The following SLAIN2 variants were observed in gnomAD, a reference collection of about 807,000 sequenced individuals.
SLAIN2 encodes the protein SLAIN family member 2.
Under a neutral mutation model 56.6 loss-of-function variants are expected in SLAIN2, and 31 were observed. The observed-to-expected ratio is 0.55, with a 90% CI of 0.41 to 0.74. SLAIN2 has a LOEUF of 0.74. SLAIN2 is among the 30% of genes least tolerant of loss of function. SLAIN2 has a pLI of 0.00. For synonymous variants in SLAIN2, 317 were observed against 284.9 expected (o/e 1.11, Z -1.13); for missense variants, 777 against 754.2 (o/e 1.03, Z -0.35).
At position 48,354,734 on chromosome 4, in the gene SLAIN2, G is replaced by A. The variant is rs541001710; in HGVS notation, c.389+12606G>A. Among the ~76,000 whole-genome samples the A allele has an allele frequency of 1.7e-3, 259 of 152,246 alleles. 1 individual carries two copies. Among genetic ancestry groups the A allele is most frequent in the African/African-American group, 6.0e-3 (248 of 41,540 alleles). On this transcript the variant is annotated intron_variant, in intron 1 of 7. Transcript: ENST00000264313. ...CTACCTCGGCCTCCCAGAGTGCTGG[G>A]ATTACAGGCATGAACCAGTGTGCCC...
intron 6 of SLAIN2, among the ~76,000 whole-genome samples, chr4:48,400,823 C>G (rs575537098): frequency 4.0e-5 from 6 of 150,992 alleles, no homozygotes; most frequent in African/African-American, 1.5e-4. Context: ...TCCTTCAGTT[C>G]TTCTGCTAGC....
intron 6 of SLAIN2, among the ~76,000 whole-genome samples, chr4:48,411,683 T>G (rs1371707968): frequency 6.6e-6 from 1 of 152,162 alleles, no homozygotes; most frequent in Non-Finnish European, 1.5e-5. Context: ...TAGCCACTCA[T>G]GTTCTTCTTA....
At chr4:48,395,549 A>C (rs1716355623) in intron 6 of SLAIN2, among the ~76,000 whole-genome samples, 1 of 152,122 alleles carries the variant, frequency 6.6e-6, no homozygotes, top group Non-Finnish European at 1.5e-5. Context: ...GATTTCTTGG[A>C]TTGAGTATAA....
At chr4:48,420,085 A>T (rs527257185) in intron 6 of SLAIN2, 40 bp from the exon 7 acceptor site, 1 of 1,595,416 alleles carries the variant, frequency 6.3e-7, no homozygotes. Flanking sequence ...ATATATACAG[A>T]TTTCCACTCA....
chr4:48,414,117 AAATAGAGTTCT>A (rs1474948200), intron 6 of SLAIN2, among the ~76,000 whole-genome samples: 1 of 152,178 alleles, frequency 6.6e-6, no homozygotes, highest in African/African-American at 2.4e-5. Context: ...TCATTTTTAT[AAATAGAGTTCT>A]AATTTTTGCT....
At position 48,369,957 on chromosome 4, in the gene SLAIN2, T is replaced by TA; in HGVS notation, c.504dup (p.Ser169IlefsTer7). On this transcript the variant is annotated frameshift_variant, in exon 2 of 8. Transcript: ENST00000264313. LOFTEE classifies it high-confidence loss of function. ...ACCCAAGTCCTGATGTTGAGTGTGC[T>TA]AAAAAATCTCTTATCCACAAACTTG... The TA allele has an allele frequency of 1.2e-6, 2 of 1,613,706 alleles. No individual in the cohort carries two copies. The highest frequency in any genetic ancestry group is 1.7e-6 in the Non-Finnish European group (2 of 1,179,690).
chr4:48,397,667 C>T (rs1258117797), intron 6 of SLAIN2, among the ~76,000 whole-genome samples: 6 of 152,090 alleles, frequency 3.9e-5, no homozygotes, highest in African/African-American at 9.7e-5. Context: ...CTTCCCCCGC[C>T]GCCCCTGACA....
In SLAIN2 at chr4:48,382,704, T is replaced by A. The variant is rs762852686; in HGVS notation, c.999T>A (p.His333Gln). ...ATGATGAAGATGACAATATGCATCA[T>A]GCAGTATACCCTGCTGTTAACAGGT... ...SLDDEDDNMHHAVYPAVNRFS... is the reference protein window; with the variant it reads ...SLDDEDDNMHQAVYPAVNRFS... Residue 333 changes from histidine (H) to glutamine (Q), a missense_variant, in exon 5 of 8, where the codon CAT becomes CAA. By Grantham distance (24) the His-to-Gln change is conservative. Transcript: ENST00000264313. The A allele has an allele frequency of 8.1e-6, 13 of 1,613,868 alleles. No individual in the cohort carries two copies. In the East Asian group the frequency reaches 2.9e-4, roughly 36 times the overall value.
chr4:48,397,319 T>C (rs1405596598), intron 6 of SLAIN2, among the ~76,000 whole-genome samples: 2 of 151,744 alleles, frequency 1.3e-5, no homozygotes, highest in South Asian at 2.1e-4. Flanking sequence ...AACAAACATA[T>C]GAAAGTTCTT....
chr4:48,421,377 C>G (rs1288408196), intron 7 of SLAIN2, among the ~76,000 whole-genome samples: 2 of 152,104 alleles, frequency 1.3e-5, no homozygotes, highest in Non-Finnish European at 1.5e-5. Context: ...TGTAACCTTT[C>G]AAGAATGGGA....
At chr4:48,352,834 C>T (rs914046812) in intron 1 of SLAIN2, among the ~76,000 whole-genome samples, 1 of 152,130 alleles carries the variant, frequency 6.6e-6, no homozygotes, top group African/African-American at 2.4e-5. Context: ...CAAATCTCAT[C>T]TTGAATTGTA....
intron 6 of SLAIN2, among the ~76,000 whole-genome samples, chr4:48,410,596 C>CT (rs1470339517): frequency 3.3e-5 from 5 of 152,316 alleles, no homozygotes; most frequent in African/African-American, 1.2e-4. Flanking sequence ...GTACTTGGAG[C>CT]TTTCTGCAGC....
intron 6 of SLAIN2, among the ~76,000 whole-genome samples, chr4:48,419,293 G>T (rs749742713): frequency 1.3e-5 from 2 of 152,010 alleles, no homozygotes; most frequent in Non-Finnish European, 2.9e-5. Flanking sequence ...AGTAGAGATG[G>T]GTTTTTCACC....
Position 48,412,407 on chromosome 4 carries a change from C to CACACACAA in SLAIN2, c.1361-7711_1361-7710insAACACACA, listed in dbSNP as rs1553905116. ...ACACACACACACACACACACACACA[C>CACACACAA]ACACACACATTCCCTCTCTCTCTCT... is the stretch of plus-strand genomic sequence containing the variant. On this transcript the variant is annotated intron_variant, in intron 6 of 7. Coordinates refer to ENST00000264313, the MANE Select transcript of SLAIN2 (RefSeq NM_020846.2). 8.1e-4 allele frequency among the ~76,000 whole-genome samples: 51 copies of CACACACAA among 63,136 alleles called. 3 individuals carry two copies. Among genetic ancestry groups the CACACACAA allele is most frequent in the African/African-American group, 2.7e-3 (50 of 18,806 alleles). 41.4% of individuals were successfully genotyped at this position (63,136 alleles called of 152,430 possible).
chr4:48,343,763 T>C (rs1366603791), intron 1 of SLAIN2, among the ~76,000 whole-genome samples: 1 of 152,206 alleles, frequency 6.6e-6, no homozygotes, highest in East Asian at 1.9e-4. Context: ...AGTAACAGAA[T>C]TACTCTTGAG....
At chr4:48,419,324 G>A (rs1422346740) in intron 6 of SLAIN2, among the ~76,000 whole-genome samples, 8 of 152,098 alleles carry the variant, frequency 5.3e-5, no homozygotes, top group Non-Finnish European at 1.2e-4. Flanking sequence ...GGCAGGTCCC[G>A]AACTCCTGAC....
rs553687356 is a variant in SLAIN2, at chr4:48,397,233, T to C, written c.1360+13449T>C. 8.5e-5 allele frequency among the ~76,000 whole-genome samples: 13 copies of C among 152,210 alleles called. No homozygotes were observed. In the East Asian group the frequency reaches 2.1e-3, roughly 25 times the overall value. On this transcript the variant is annotated intron_variant, in intron 6 of 7. Coordinates refer to ENST00000264313, the MANE Select transcript of SLAIN2 (RefSeq NM_020846.2). ...ATTAATTCCTTCTTAGTTGCCTCTT[T>C]CCTTCTAAACACCCCATTAAAAAAT...
At chr4:48,411,135 C>T (rs1716833870) in intron 6 of SLAIN2, among the ~76,000 whole-genome samples, 1 of 151,944 alleles carries the variant, frequency 6.6e-6, no homozygotes, top group South Asian at 2.1e-4. Flanking sequence ...TAAGGGATGA[C>T]TGGATGAGAG....
chr4:48,383,168 C>CAAAAAA (rs34436951), intron 5 of SLAIN2, among the ~76,000 whole-genome samples: 1 of 95,548 alleles, frequency 1.0e-5, no homozygotes, highest in Non-Finnish European at 2.1e-5. Flanking sequence ...ATCCTGTTTT[C>CAAAAAA]AAAAAAAAAA....
Sources: allele counts gnomAD v4.1 joint callset (sites outside exome capture counted in the v4.1 genomes callset), GRCh38; gene constraint gnomAD v4.1.1; transcripts MANE v1.5; gene names NCBI Gene and HGNC (gene_info 2026-07-23, HGNC 2026-07-21).